Variants in ENGASE observed in about 807,000 individuals in gnomAD.
ENGASE encodes the protein cytosolic endo-beta-N-acetylglucosaminidase.
In ENGASE, 69 loss-of-function variants were observed where a neutral mutation model predicts 78.5. The ratio of observed to expected loss-of-function variants is 0.88; its 90% CI spans 0.72 to 1.07. The LOEUF is 1.07. ENGASE is among the 50% of genes least tolerant of loss of function. ENGASE has a pLI of 0.00. For missense variants in ENGASE, 943 were observed against 988.4 expected (o/e 0.95, Z 0.62); for synonymous variants, 408 against 408.9 (o/e 1.00, Z 0.03).
chr17:79,080,435 C>T, intron 5 of ENGASE, 71 bp downstream of exon 5: 1 of 1,569,524 alleles, frequency 6.4e-7, no homozygotes, highest in Non-Finnish European at 8.6e-7. Context: ...TCTTTCCTGC[C>T]TTGGCCTCAC....
intron 6 of ENGASE, 27 bp downstream of exon 6, chr17:79,081,100 G>A: frequency 6.4e-7 from 1 of 1,564,798 alleles, no homozygotes; most frequent in Non-Finnish European, 8.6e-7. Flanking sequence ...GTGCTGTGAG[G>A]GGGCAGGTGC....
chr17:79,075,675 C>T, intron 1 of ENGASE: 2 of 985,416 alleles, frequency 2.0e-6, no homozygotes, highest in Non-Finnish European at 2.4e-6. Flanking sequence ...GTAAACTCCC[C>T]CTCAGTAGGT....
rs567489777 is a variant in ENGASE at position 79,088,071 on chromosome 17, T to C, written c.*1722T>C. On this transcript the variant is annotated 3_prime_UTR_variant, in exon 14 of 14. Transcript: ENST00000579016. ...CCTGGAGCCAGCCCGGGGACTGTCC[T>C]GGGTGGAGGGCAGGTGAACACAAGC... 7.9e-5 allele frequency: 12 copies of C among 152,420 alleles called. No homozygotes were observed. Among genetic ancestry groups the C allele is most frequent in the African/African-American group, 2.6e-4 (11 of 41,534 alleles). The allele number at this position is 152,420 out of a possible 1,614,324, so 9.4% of individuals were successfully genotyped here. A position where few individuals can be genotyped will look rare whatever the true frequency, so the allele number is the denominator to read the frequency against.
rs754563242 is a variant in ENGASE at position 79,086,252 on chromosome 17, G to T, written c.2135G>T (p.Arg712Leu). The change falls in exon 14 of 14, where the codon CGC becomes CTC. Residue 712 changes from arginine to leucine, a missense_variant. Transcript: ENST00000579016. ...VEAAGPGQDR[R>L]MEFLVEPVPK... ...GCCGCCGGGCCCGGCCAGGATCGTC[G>T]CATGGAATTTCTGGTGGAGCCTGTC... The T allele has an allele frequency of 6.2e-7, 1 of 1,613,456 alleles. No homozygotes were observed. Among genetic ancestry groups the T allele is most frequent in the Non-Finnish European group, 8.5e-7 (1 of 1,180,050 alleles).
chr17:79,083,548 C>T lies in ENGASE; in HGVS notation c.1209C>T (p.Ser403=), dbSNP rs1191677271. The T allele has an allele frequency of 1.9e-6, 3 of 1,614,088 alleles. No individual in the cohort carries two copies. The highest frequency in any genetic ancestry group is 2.5e-6 in the Non-Finnish European group (3 of 1,180,032). The change falls in exon 9 of 14, where the codon TCC becomes TCT. Residue 403 remains serine (S), a synonymous_variant. Transcript: ENST00000579016. This position sits in a 1 kb window ranked among gnomAD's most constrained non-coding sequence, Gnocchi z 4.9. ...HSICSLPFVT[S]FCLGMGARRV... is the part of the protein sequence containing the mutation. ...TCTGCTCCTTGCCTTTCGTCACGTCCTTCTGCCTGGGCATGGGTGCACGGA... is the reference window on the plus strand; with the variant it reads ...TCTGCTCCTTGCCTTTCGTCACGTCTTTCTGCCTGGGCATGGGTGCACGGA...
chr17:79,085,831 G>A lies in ENGASE; in HGVS notation c.1815+97G>A, dbSNP rs62063825. The A allele has an allele frequency of 0.016, 25,683 of 1,593,694 alleles. 246 individuals are homozygous for A. The highest frequency in any genetic ancestry group is 0.02 in the Non-Finnish European group (23,488 of 1,173,002). ...AGGCCGCCCCCTTCTTGGGTTCAGC[G>A]GGGAACTGGGGTGGAGGAGTCAGGG... On this transcript the variant is annotated intron_variant, in intron 13 of 13. Transcript: ENST00000579016.
rs1311817507 is a variant in ENGASE, at chr17:79,077,767, G to A, written c.319G>A (p.Ala107Thr). 6.2e-7 allele frequency: 1 copy of A among 1,614,138 alleles called. No individual in the cohort carries two copies. The highest frequency in any genetic ancestry group is 8.5e-7 in the Non-Finnish European group (1 of 1,180,048). The part of the protein sequence containing the change: ...KPRLEDGFNV[A>T]LEPLACRQPP... ...CCGCTTGGAGGATGGCTTTAATGTG[G>A]CCCTGGAGCCCCTGGCGTGTCGCCA... The change falls in exon 3 of 14, where the codon GCC becomes ACC. Residue 107 changes from alanine to threonine, a missense_variant. By Grantham distance (58) the Ala-to-Thr change is moderately conservative (BLOSUM62 0). Transcript: ENST00000579016.
Position 79,085,626 on chromosome 17 carries a change from C to T in ENGASE, c.1707C>T (p.Tyr569=), listed in dbSNP as rs371918032. ...QLSGGWVQHC[Y]EVSLRGCLLL... ...CAGCCCTTTCGCCCCGTAGCTGCTA[C>T]GAGGTGAGCCTGCGTGGGTGCCTGC... The change falls in exon 13 of 14, where the codon TAC becomes TAT. Residue 569 remains tyrosine (Y), a synonymous_variant. Transcript: ENST00000579016. 8.1e-5 allele frequency: 131 copies of T among 1,613,738 alleles called. No individual in the cohort carries two copies. The highest frequency in any genetic ancestry group is 3.3e-4 in the East Asian group (15 of 44,862).
Position 79,082,591 on chromosome 17 carries a change from T to C in ENGASE, c.1039-429T>C, listed in dbSNP as rs1446884457. 6.4e-6 allele frequency: 8 copies of C among 1,255,086 alleles called. No individual in the cohort carries two copies. In the African/African-American group the frequency reaches 1.2e-4, roughly 19 times the overall value. The allele number at this position is 1,255,086 out of a possible 1,614,324, so 77.7% of individuals were successfully genotyped here. On this transcript the variant is annotated intron_variant, in intron 7 of 13. Transcript: ENST00000579016. Reference sequence around the variant, plus strand: ...GGCGTGGGATGCGCAGGGCTCTGCCTGCCTCTGGTCTATCAGTCCTGCCCG... The same window carrying C: ...GGCGTGGGATGCGCAGGGCTCTGCCCGCCTCTGGTCTATCAGTCCTGCCCG...
At chr17:79,084,785 G>GTACATCACCACACCATGT (rs2073244104) in intron 11 of ENGASE, 99 bp downstream of exon 11, 5 of 1,333,686 alleles carry the variant, frequency 3.7e-6, no homozygotes. Context: ...AGCTGGTGTG[G>GTACATCACCACACCATGT]ACAGTGGGGG....
intron 7 of ENGASE, 111 bp from the exon 8 acceptor site, chr17:79,082,908 TC>T (rs1568091608): frequency 6.4e-7 from 1 of 1,568,796 alleles, no homozygotes; most frequent in Admixed American, 1.8e-5. Flanking sequence ...TTGGACAGCT[TC>T]CCCCTCCCGT....
chr17:79,080,418 C>A, intron 5 of ENGASE, 54 bp downstream of exon 5: 2 of 1,590,898 alleles, frequency 1.3e-6, no homozygotes, highest in Non-Finnish European at 1.7e-6. Flanking sequence ...TGCCGCCCAC[C>A]TCCACCTCTT....
Position 79,087,179 on chromosome 17 carries a change from A to T in ENGASE, c.*830A>T. ...GACAAGCCGCCCTTCAGGCTGGGGT[A>T]GCAGGTCAGTCCAGGCAGGAAGCAG... is the stretch of plus-strand genomic sequence containing the variant. On this transcript the variant is annotated 3_prime_UTR_variant, in exon 14 of 14. Transcript: ENST00000579016. 1 of 403,442 alleles carries T rather than the reference A, an allele frequency of 2.5e-6. No individual in the cohort carries two copies. Among genetic ancestry groups the T allele is most frequent in the South Asian group, 1.8e-5 (1 of 57,130 alleles). 25.0% of individuals were successfully genotyped at this position (403,442 alleles called of 1,614,324 possible). A position where few individuals can be genotyped will look rare whatever the true frequency, so the allele number is the denominator to read the frequency against.
Position 79,083,853 on chromosome 17 carries a change from G to A in ENGASE, c.1344G>A (p.Trp448Ter). 6.2e-7 allele frequency: 1 copy of A among 1,612,824 alleles called. No individual in the cohort carries two copies. Among genetic ancestry groups the A allele is most frequent in the East Asian group, 2.2e-5 (1 of 44,868 alleles). ...EHRLGGDGRG[W>*]VRTHCCLEDA... ...GGCTGGGAGGGGATGGCCGGGGCTG[G>A]GTGAGGACGCACTGCTGCCTGGAGG... The change falls in exon 10 of 14, where the codon TGG (tryptophan) becomes TGA (stop). Residue 448 changes from tryptophan (W) to a stop codon, truncating the protein, a stop_gained. Coordinates refer to ENST00000579016, the MANE Select transcript of ENGASE (RefSeq NM_001042573.3). LOFTEE classifies it high-confidence loss of function. The surrounding 1 kb of genome is among the most constrained non-coding windows in gnomAD (Gnocchi z 4.9).
At position 79,083,511 on chromosome 17, in the gene ENGASE, C is replaced by T. The variant is rs762678773; in HGVS notation, c.1172C>T (p.Pro391Leu). The T allele has an allele frequency of 1.2e-6, 2 of 1,614,176 alleles. No homozygotes were observed. Among genetic ancestry groups the T allele is most frequent in the South Asian group, 2.2e-5 (2 of 91,084 alleles). ...KFWGRLERYL[P>L]THSICSLPFV... ...TGGGGCCGACTGGAGCGTTATCTGCCCACACATAGCATCTGCTCCTTGCCT... is the reference window on the plus strand; with the variant it reads ...TGGGGCCGACTGGAGCGTTATCTGCTCACACATAGCATCTGCTCCTTGCCT... The change falls in exon 9 of 14, where the codon CCC becomes CTC. Residue 391 changes from proline (P) to leucine (L), a missense_variant. By Grantham distance (98) the Pro-to-Leu change is moderately conservative. Coordinates refer to ENST00000579016, the MANE Select transcript of ENGASE (RefSeq NM_001042573.3). The surrounding 1 kb of genome is among the most constrained non-coding windows in gnomAD (Gnocchi z 4.9).
intron 1 of ENGASE, among the ~76,000 whole-genome samples, chr17:79,075,379 G>T (rs956267179): frequency 6.6e-6 from 1 of 152,204 alleles, no homozygotes; most frequent in African/African-American, 2.4e-5. Flanking sequence ...GAATCCCGAC[G>T]CCCCGGCCAG....
chr17:79,081,751 TG>T, intron 6 of ENGASE, 146 bp from the exon 7 acceptor site: 1 of 543,396 alleles, frequency 1.8e-6, no homozygotes, highest in Non-Finnish European at 2.7e-6. Context: ...TGAGGCTGTG[TG>T]GGGTGGGGTG....
intron 11 of ENGASE, 118 bp from the exon 12 acceptor site, chr17:79,085,116 C>T (rs754176001): frequency 1.4e-4 from 113 of 800,656 alleles, no homozygotes; most frequent in Middle Eastern, 4.6e-4. Flanking sequence ...TTGGGACCCG[C>T]GAGCGTCTGG....
At position 79,087,448 on chromosome 17, in the gene ENGASE, C is replaced by T. The variant is rs558667853; in HGVS notation, c.*1099C>T. The T allele has an allele frequency of 2.4e-4, 48 of 200,558 alleles. No individual in the cohort carries two copies. The highest frequency in any genetic ancestry group is 4.7e-3 in the Middle Eastern group (2 of 430). 12.4% of individuals were successfully genotyped at this position (200,558 alleles called of 1,614,324 possible). A position where few individuals can be genotyped will look rare whatever the true frequency, so the allele number is the denominator to read the frequency against. On this transcript the variant is annotated 3_prime_UTR_variant, in exon 14 of 14. Coordinates refer to ENST00000579016, the MANE Select transcript of ENGASE (RefSeq NM_001042573.3). ...CCTGCTCTTTCTTCTCTGCCCAGGCCGCTGCAGCTGCACAGCCTCTGCTAC... is the reference window on the plus strand; with the variant it reads ...CCTGCTCTTTCTTCTCTGCCCAGGCTGCTGCAGCTGCACAGCCTCTGCTAC...
Sources: allele counts gnomAD v4.1 joint callset (sites outside exome capture counted in the v4.1 genomes callset), GRCh38; gene constraint gnomAD v4.1.1; non-coding constraint Gnocchi (gnomAD v3.1); transcripts MANE v1.5; gene names NCBI Gene and HGNC (gene_info 2026-07-23, HGNC 2026-07-21).